Variants in SSH2 observed in about 807,000 individuals in gnomAD.
SSH2 encodes the protein slingshot protein phosphatase 2.
Under a neutral mutation model 135.2 loss-of-function variants are expected in SSH2, and 37 were observed. The ratio of observed to expected loss-of-function variants is 0.27; its 90% CI spans 0.21 to 0.36. The LOEUF is 0.36. Ranked by LOEUF, SSH2 falls within the 10% of genes least tolerant of loss-of-function variation. The probability of loss-of-function intolerance (pLI) is 1.00; values close to 1 mark genes in which losing one functional copy is unlikely to be tolerated. For missense variants in SSH2, 1,408 were observed against 1,765.3 expected (o/e 0.80, Z 3.63); for synonymous variants, 628 against 646.2 (o/e 0.97, Z 0.43).
intron 2 of SSH2, among the ~76,000 whole-genome samples, chr17:29,848,298 A>C (rs1219475805): frequency 6.6e-6 from 1 of 152,238 alleles, no homozygotes; most frequent in African/African-American, 2.4e-5. Flanking sequence ...AGATGGGATA[A>C]GTAAAATTTA....
intron 3 of SSH2, among the ~76,000 whole-genome samples, chr17:29,748,655 A>G (rs1397145290): frequency 6.6e-6 from 1 of 152,198 alleles, no homozygotes; most frequent in Non-Finnish European, 1.5e-5. Flanking sequence ...TGATAATTAT[A>G]TTTATTCAAT....
At chr17:29,655,642 A>G in intron 11 of SSH2, 35 bp from the exon 12 acceptor site, 2 of 1,595,714 alleles carry the variant, frequency 1.3e-6, no homozygotes, top group Non-Finnish European at 1.7e-6. Flanking sequence ...AAGGAGTATT[A>G]GCAAATCAAC....
At chr17:29,760,424 A>G (rs35674319) in intron 3 of SSH2, among the ~76,000 whole-genome samples, 5,886 of 152,290 alleles carry the variant, frequency 0.039, 175 homozygotes, top group Non-Finnish European at 0.059. Flanking sequence ...AAGTTCCTCT[A>G]CTTGATAACT....
chr17:29,654,836 C>T (rs2036718125), intron 12 of SSH2, among the ~76,000 whole-genome samples: 1 of 152,182 alleles, frequency 6.6e-6, no homozygotes, highest in South Asian at 2.1e-4. Flanking sequence ...AGTCTTTAAG[C>T]AGCTTACTAC....
chr17:29,736,169 C>T (rs946388192), intron 3 of SSH2, among the ~76,000 whole-genome samples: 8 of 152,116 alleles, frequency 5.3e-5, no homozygotes, highest in Non-Finnish European at 1.5e-5. Flanking sequence ...TACTAAAGCC[C>T]TACAGTACTA....
At chr17:29,661,948 T>A (rs1460360921) in intron 11 of SSH2, among the ~76,000 whole-genome samples, 1 of 152,150 alleles carries the variant, frequency 6.6e-6, no homozygotes, top group Non-Finnish European at 1.5e-5. Flanking sequence ...TAGAGACCAC[T>A]TGGTATAATT....
chr17:29,793,999 A>G, intron 2 of SSH2, 62 bp from the exon 3 acceptor site: 1 of 1,214,892 alleles, frequency 8.2e-7, no homozygotes, highest in Non-Finnish European at 1.2e-6. Flanking sequence ...TAATATCACT[A>G]ATATAATTTT....
chr17:29,703,542 T>G (rs2053086720), intron 3 of SSH2, among the ~76,000 whole-genome samples: 1 of 147,562 alleles, frequency 6.8e-6, no homozygotes, highest in South Asian at 2.2e-4. Context: ...CCACTGTGCG[T>G]GGCCTCTAGA....
intron 3 of SSH2, among the ~76,000 whole-genome samples, chr17:29,729,927 G>C (rs767740523): frequency 1.3e-5 from 2 of 152,012 alleles, no homozygotes; most frequent in Non-Finnish European, 2.9e-5. Flanking sequence ...ATGGCTAATG[G>C]GTACAAAAAT....
At chr17:29,661,221 C>T (rs2037026816) in intron 11 of SSH2, among the ~76,000 whole-genome samples, 1 of 152,124 alleles carries the variant, frequency 6.6e-6, no homozygotes, top group Non-Finnish European at 1.5e-5. Flanking sequence ...TATCCTTATT[C>T]CATTGGCCTT....
chr17:29,858,066 C>T (rs140693785), intron 1 of SSH2, among the ~76,000 whole-genome samples: 2 of 152,290 alleles, frequency 1.3e-5, no homozygotes, highest in Non-Finnish European at 2.9e-5. Flanking sequence ...GAATTTCCTT[C>T]CTAAGTCTGA....
chr17:29,634,139 A>C (rs1238821460), intron 15 of SSH2, among the ~76,000 whole-genome samples: 1 of 152,242 alleles, frequency 6.6e-6, no homozygotes, highest in Admixed American at 6.5e-5. Context: ...TCTCAGTAGA[A>C]AGGAAACAGG....
In SSH2 at chr17:29,671,904, AACTTCCATAATCCTT is replaced by A. The variant is rs1276246823; in HGVS notation, c.809+16_809+30del. 10 of 1,578,040 alleles carry A rather than the reference AACTTCCATAATCCTT, an allele frequency of 6.3e-6. No homozygotes were observed. The highest frequency in any genetic ancestry group is 8.7e-6 in the Non-Finnish European group (10 of 1,153,700). ...TGACTCCTCAGGACATAATGGAGAGAACTTCCATAATCCTTAGCAAACTGACTTACATGTCGGTGA... is the reference window on the plus strand; with the variant it reads ...TGACTCCTCAGGACATAATGGAGAGAAGCAAACTGACTTACATGTCGGTGA... On this transcript the variant is annotated intron_variant, in intron 9 of 15. Transcript: ENST00000540801.
At chr17:29,853,805 A>G (rs1009101983) in intron 1 of SSH2, among the ~76,000 whole-genome samples, 5 of 151,918 alleles carry the variant, frequency 3.3e-5, no homozygotes, top group Admixed American at 2.6e-4. Context: ...TAAGAAAAGC[A>G]TTTAGAGACT....
intron 3 of SSH2, among the ~76,000 whole-genome samples, chr17:29,738,214 G>A (rs1021990260): frequency 2.6e-5 from 4 of 152,170 alleles, no homozygotes; most frequent in African/African-American, 9.7e-5. Flanking sequence ...TGCTCAGAAT[G>A]ATGGTTTCCA....
At chr17:29,651,676 C>T (rs3098949) in intron 12 of SSH2, among the ~76,000 whole-genome samples, 82,781 of 152,012 alleles carry the variant, frequency 0.54, 22,983 homozygotes, top group East Asian at 0.68. Context: ...TGTGAAGTTC[C>T]ATAAACCCAA....
chr17:29,708,980 T>G (rs2039323579), intron 3 of SSH2, among the ~76,000 whole-genome samples: 1 of 120,126 alleles, frequency 8.3e-6, no homozygotes, highest in Admixed American at 9.6e-5. Context: ...GGGAAAGTCA[T>G]CCCTAGTTAA....
At chr17:29,664,978 G>A (rs1217303716) in intron 11 of SSH2, among the ~76,000 whole-genome samples, 2 of 151,992 alleles carry the variant, frequency 1.3e-5, no homozygotes, top group African/African-American at 2.4e-5. Context: ...ATTCTTTTAC[G>A]TGTTAAAAGT....
chr17:29,775,928 CT>C (rs1213701621), intron 3 of SSH2: 1 of 152,204 alleles, frequency 6.6e-6, no homozygotes, highest in East Asian at 1.9e-4. Context: ...CAGGCTCTGG[CT>C]AATAGAATCC....
Sources: allele counts gnomAD v4.1 joint callset (sites outside exome capture counted in the v4.1 genomes callset), GRCh38; gene constraint gnomAD v4.1.1; transcripts MANE v1.5; gene names NCBI Gene and HGNC (gene_info 2026-07-23, HGNC 2026-07-21).